Variants in VPS33B observed in about 807,000 individuals in gnomAD.
VPS33B encodes VPS33B late endosome and lysosome associated, also known as vacuolar protein sorting-associated protein 33B.
In VPS33B, 80 loss-of-function variants were observed where a neutral mutation model predicts 95.3. That is an observed-to-expected ratio of 0.84 (90% confidence interval 0.70 to 1.01). The LOEUF is 1.01. Ranked by LOEUF, VPS33B falls within the 50% of genes least tolerant of loss-of-function variation. The pLI, the probability that VPS33B is intolerant of heterozygous loss-of-function variation, is 0.00. For synonymous variants in VPS33B, 280 were observed against 280.4 expected (o/e 1.00, Z 0.01); for missense variants, 715 against 773.4 (o/e 0.92, Z 0.90).
intron 6 of VPS33B, 63 bp from the exon 7 acceptor site, chr15:91,008,027 G>A (rs548705919): frequency 6.7e-7 from 1 of 1,495,084 alleles, no homozygotes; most frequent in South Asian, 1.1e-5. Context: ...TAAGAGGGAA[G>A]GTCCGCCACA....
At position 91,009,275 on chromosome 15, in the gene VPS33B, CTT is replaced by C. The variant is rs1341346395; in HGVS notation, c.403+524_403+525del. Among the ~76,000 whole-genome samples the C allele has an allele frequency of 6.9e-6, 1 of 145,788 alleles. No individual in the cohort carries two copies. The highest frequency in any genetic ancestry group is 2.7e-5 in the African/African-American group (1 of 36,494). ...CCTCCCTCCCTCTCTCTCTTTCTCT[CTT>C]TTCTTTTATTTTCTTTCTCTCTCTC... On this transcript the variant is annotated intron_variant, in intron 6 of 22. Transcript: ENST00000333371. The surrounding 1 kb of genome is among the most constrained non-coding windows in gnomAD (Gnocchi z 4.1).
Position 91,014,000 on chromosome 15 carries a change from C to T in VPS33B, c.290-129G>A, listed in dbSNP as rs1328280251. On this transcript the variant is annotated intron_variant, in intron 4 of 22. Transcript: ENST00000333371. This position sits in a 1 kb window ranked among gnomAD's most constrained non-coding sequence, Gnocchi z 4.5. ...TGGGAGGCTGAGGCGGGTGGATCAC[C>T]TGAGGTCAGGAGTTTGCGACCAGCC... is the stretch of plus-strand genomic sequence containing the variant. 9.7e-6 allele frequency: 11 copies of T among 1,128,206 alleles called. No individual in the cohort carries two copies. Among genetic ancestry groups the T allele is most frequent in the Admixed American group, 5.4e-5 (3 of 55,264 alleles). 69.9% of individuals were successfully genotyped at this position (1,128,206 alleles called of 1,614,324 possible). A position where few individuals can be genotyped will look rare whatever the true frequency, so the allele number is the denominator to read the frequency against.
At chr15:91,022,603 C>G (rs2041144888), upstream of VPS33B, 1 of 177,208 alleles carries the variant, frequency 5.6e-6, no homozygotes, top group Non-Finnish European at 1.2e-5. Flanking sequence ...TCCTAGATCT[C>G]CCGGAAGTCC....
intron 1 of VPS33B, among the ~76,000 whole-genome samples, chr15:91,020,034 A>G (rs990944791): frequency 1.3e-5 from 2 of 152,006 alleles, no homozygotes; most frequent in Non-Finnish European, 2.9e-5. Context: ...CGAACTCCCA[A>G]CCTCAGGTGA....
At position 91,003,140 on chromosome 15, in the gene VPS33B, GAAGAAAAT is replaced by G. The variant is rs777865863; in HGVS notation, c.1226-17_1226-10del. Reference sequence around the variant, plus strand: ...ATCCTTGGGGATCAAACCTAAGAGTGAAGAAAATAAGACAGGTGCATGAGAAAGAGGCC... The same window carrying G: ...ATCCTTGGGGATCAAACCTAAGAGTGAAGACAGGTGCATGAGAAAGAGGCC... On this transcript the variant is annotated splice_polypyrimidine_tract_variant and intron_variant, in intron 16 of 22. Transcript: ENST00000333371. 6.2e-7 allele frequency: 1 copy of G among 1,614,122 alleles called. No individual in the cohort carries two copies. Among genetic ancestry groups the G allele is most frequent in the Non-Finnish European group, 8.5e-7 (1 of 1,180,006 alleles).
Position 91,005,024 on chromosome 15 carries a change from T to A in VPS33B, c.1170+31A>T. ...GGCCGACCCCACCTCTAAATGCCAT[T>A]CTTGGCACCCCCAGCCCTCCACCTG... On this transcript the variant is annotated intron_variant, in intron 15 of 22. Coordinates refer to ENST00000333371, the MANE Select transcript of VPS33B (RefSeq NM_018668.5). This position sits in a 1 kb window ranked among gnomAD's most constrained non-coding sequence, Gnocchi z 6.4. 1 of 1,614,170 alleles carries A rather than the reference T, an allele frequency of 6.2e-7. No individual in the cohort carries two copies. Among genetic ancestry groups the A allele is most frequent in the Non-Finnish European group, 8.5e-7 (1 of 1,180,030 alleles).
In VPS33B at chr15:91,013,178, C is replaced by A. The variant is rs111745923; in HGVS notation, c.357+626G>T. The stretch of plus-strand genomic sequence containing the variant: ...CAGGTTCTACCTCGCAAGCGTGAAG[C>A]TTTTCATTTAAAAAAATCTACGTAG... On this transcript the variant is annotated intron_variant, in intron 5 of 22. Transcript: ENST00000333371. This position sits in a 1 kb window ranked among gnomAD's most constrained non-coding sequence, Gnocchi z 4.5. Among the ~76,000 whole-genome samples the A allele has an allele frequency of 6.6e-5, 10 of 152,268 alleles. No homozygotes were observed. Among genetic ancestry groups the A allele is most frequent in the African/African-American group, 2.4e-4 (10 of 41,548 alleles).
At position 91,007,052 on chromosome 15, in the gene VPS33B, A is replaced by G. The variant is rs202205337; in HGVS notation, c.604-6T>C. On this transcript the variant is annotated splice_region_variant and splice_polypyrimidine_tract_variant and intron_variant, in intron 8 of 22. Coordinates refer to ENST00000333371, the MANE Select transcript of VPS33B (RefSeq NM_018668.5). This position sits in a 1 kb window ranked among gnomAD's most constrained non-coding sequence, Gnocchi z 5.3. ...CTCCACAATTCATATGCCATCTGCCAGGGCCCAAGACATTCTCAGTCTTGT... is the reference window on the plus strand; with the variant it reads ...CTCCACAATTCATATGCCATCTGCCGGGGCCCAAGACATTCTCAGTCTTGT... 6.2e-7 allele frequency: 1 copy of G among 1,609,258 alleles called. No individual in the cohort carries two copies. The highest frequency in any genetic ancestry group is 1.3e-5 in the African/African-American group (1 of 75,044).
Position 91,002,957 on chromosome 15 carries a change from A to T in VPS33B, c.1272+128T>A. ...GGTGACTCTCCCTAGTAGCTCTAAG[A>T]GGGAGGCCTGAATGGAAACAGGAGG... On this transcript the variant is annotated intron_variant, in intron 17 of 22. Coordinates refer to ENST00000333371, the MANE Select transcript of VPS33B (RefSeq NM_018668.5). The surrounding 1 kb of genome is among the most constrained non-coding windows in gnomAD (Gnocchi z 4.7). 9.8e-7 allele frequency: 1 copy of T among 1,015,948 alleles called. No homozygotes were observed. The highest frequency in any genetic ancestry group is 1.6e-6 in the Non-Finnish European group (1 of 638,716). The allele number at this position is 1,015,948 out of a possible 1,614,324, so 62.9% of individuals were successfully genotyped here.
chr15:91,022,155 T>C lies in VPS33B; in HGVS notation c.95A>G (p.Gln32Arg). ...ARDQLIYLLE[Q>R]LPGKKDLFIE... is the part of the protein sequence containing the mutation. ...TAAAGGCGTCAGGCAAGCACTGACC[T>C]GCTCCAGCAGATAGATGAGCTGGTC... is the stretch of plus-strand genomic sequence containing the variant. Residue 32 changes from glutamine to arginine, a missense_variant and splice_region_variant, in exon 1 of 23, where the codon CAG becomes CGG. Physicochemically the swap from Gln to Arg is conservative, Grantham distance 43 (BLOSUM62 1). Coordinates refer to ENST00000333371, the MANE Select transcript of VPS33B (RefSeq NM_018668.5). 1 of 1,560,938 alleles carries C rather than the reference T, an allele frequency of 6.4e-7. No homozygotes were observed. Among genetic ancestry groups the C allele is most frequent in the Non-Finnish European group, 8.7e-7 (1 of 1,151,412 alleles).
rs1156665496 is a variant in VPS33B, at chr15:91,007,300, T to G, written c.603+169A>C. On this transcript the variant is annotated intron_variant, in intron 8 of 22. Coordinates refer to ENST00000333371, the MANE Select transcript of VPS33B (RefSeq NM_018668.5). The surrounding 1 kb of genome is among the most constrained non-coding windows in gnomAD (Gnocchi z 5.3). ...ATGCTACCCAGGAGATCCTGGCTTTTGCTTCTCTGTTAGCCACACAAGTTC... is the reference window on the plus strand; with the variant it reads ...ATGCTACCCAGGAGATCCTGGCTTTGGCTTCTCTGTTAGCCACACAAGTTC... Among the ~76,000 whole-genome samples the G allele has an allele frequency of 6.6e-6, 1 of 152,250 alleles. No individual in the cohort carries two copies. Among genetic ancestry groups the G allele is most frequent in the Non-Finnish European group, 1.5e-5 (1 of 68,038 alleles).
chr15:90,999,831 T>C lies in VPS33B; in HGVS notation c.1658-38A>G, dbSNP rs1297379095. 1 of 1,613,968 alleles carries C rather than the reference T, an allele frequency of 6.2e-7. No homozygotes were observed. The highest frequency in any genetic ancestry group is 8.5e-7 in the Non-Finnish European group (1 of 1,179,890). On this transcript the variant is annotated intron_variant, in intron 21 of 22. Coordinates refer to ENST00000333371, the MANE Select transcript of VPS33B (RefSeq NM_018668.5). This position sits in a 1 kb window ranked among gnomAD's most constrained non-coding sequence, Gnocchi z 5.1. ...GACCAGATTCAGCCCTTCCCTGACA[T>C]GCTAGTCCTGAGTGGTGCATCCAGC...
At chr15:91,003,836 C>T (rs894461153) in intron 16 of VPS33B, among the ~76,000 whole-genome samples, 20 of 152,314 alleles carry the variant, frequency 1.3e-4, no homozygotes, top group Middle Eastern at 6.8e-3. Context: ...TCCAAAAGCA[C>T]GGTCTTATAT....
chr15:91,006,417 T>C lies in VPS33B; in HGVS notation c.807A>G (p.Thr269=). Reference sequence around the variant, plus strand: ...GCACCTTCAGGCTCTTGTCAGAGGATGTGACTTCTGGGCCAAAGTCGACAC... The same window carrying C: ...GCACCTTCAGGCTCTTGTCAGAGGACGTGACTTCTGGGCCAAAGTCGACAC... ...CGSVDFGPEV[T]SSDKSLKVLL... Residue 269 remains threonine, a synonymous_variant, in exon 11 of 23, where the codon ACA becomes ACG. Coordinates refer to ENST00000333371, the MANE Select transcript of VPS33B (RefSeq NM_018668.5). The surrounding 1 kb of genome is among the most constrained non-coding windows in gnomAD (Gnocchi z 5.4). 6.2e-7 allele frequency: 1 copy of C among 1,614,232 alleles called. No individual in the cohort carries two copies. The highest frequency in any genetic ancestry group is 8.5e-7 in the Non-Finnish European group (1 of 1,180,052).
chr15:91,017,356 C>A (rs2151683443), intron 2 of VPS33B, among the ~76,000 whole-genome samples: 1 of 35,726 alleles, frequency 2.8e-5, no homozygotes, highest in East Asian at 6.5e-3. Context: ...GACTCCATCT[C>A]TACAAAATTA....
At position 91,000,492 on chromosome 15, in the gene VPS33B, G is replaced by C; in HGVS notation, c.1579C>G (p.Gln527Glu). Residue 527 changes from glutamine (Q) to glutamate (E), a missense_variant and splice_region_variant, in exon 20 of 23, where the codon CAG (glutamine) becomes GAG (glutamate). Transcript: ENST00000333371. This position sits in a 1 kb window ranked among gnomAD's most constrained non-coding sequence, Gnocchi z 4.9. ...GAGCAAGAATTACATGCTCTCACCT[G>C]CTCAATGATTCGGCAGCTCAGGGGC... Reference protein sequence around the residue: ...YVPLSCRIIEQVLERRSWQGL... With the variant: ...YVPLSCRIIEEVLERRSWQGL... 1 of 1,612,292 alleles carries C rather than the reference G, an allele frequency of 6.2e-7. No individual in the cohort carries two copies. Among genetic ancestry groups the C allele is most frequent in the Non-Finnish European group, 8.5e-7 (1 of 1,178,962 alleles).
chr15:91,005,676 C>A lies in VPS33B; in HGVS notation c.1030+18G>T, dbSNP rs2040581364. ...GGACACAGTCACTTCCCCTCACGCC[C>A]CTCAAGCTGAAACCTACGGAGACTC... is the stretch of plus-strand genomic sequence containing the variant. On this transcript the variant is annotated intron_variant, in intron 13 of 22. Coordinates refer to ENST00000333371, the MANE Select transcript of VPS33B (RefSeq NM_018668.5). This position sits in a 1 kb window ranked among gnomAD's most constrained non-coding sequence, Gnocchi z 6.4. 1.2e-6 allele frequency: 2 copies of A among 1,614,110 alleles called. No individual in the cohort carries two copies. The highest frequency in any genetic ancestry group is 1.7e-6 in the Non-Finnish European group (2 of 1,179,988).
Position 91,002,601 on chromosome 15 carries a change from G to A in VPS33B, c.1273-419C>T, listed in dbSNP as rs2040470514. 6.8e-6 allele frequency among the ~76,000 whole-genome samples: 1 copy of A among 147,696 alleles called. No homozygotes were observed. Among genetic ancestry groups the A allele is most frequent in the Non-Finnish European group, 1.5e-5 (1 of 67,484 alleles). ...GTGGAGATCGCGCCACTGCACTCTA[G>A]CTTGGGCAACAGAGCGAGACATCGT... is the stretch of plus-strand genomic sequence containing the variant. On this transcript the variant is annotated intron_variant, in intron 17 of 22. Transcript: ENST00000333371. The surrounding 1 kb of genome is among the most constrained non-coding windows in gnomAD (Gnocchi z 4.7).
intron 5 of VPS33B, among the ~76,000 whole-genome samples, chr15:91,012,279 C>G (rs941903091): frequency 6.6e-6 from 1 of 152,146 alleles, no homozygotes; most frequent in Non-Finnish European, 1.5e-5. Context: ...AGGTGACATT[C>G]AAAGGAAGGT....
Sources: allele counts gnomAD v4.1 joint callset (sites outside exome capture counted in the v4.1 genomes callset), GRCh38; gene constraint gnomAD v4.1.1; non-coding constraint Gnocchi (gnomAD v3.1); transcripts MANE v1.5; gene names NCBI Gene and HGNC (gene_info 2026-07-23, HGNC 2026-07-21).